Variants in ULK4 observed in about 807,000 individuals in gnomAD.
ULK4 encodes unc-51 like kinase 4.
Under a neutral mutation model 160.6 loss-of-function variants are expected in ULK4, and 133 were observed. The observed-to-expected ratio is 0.83, with a 90% confidence interval of 0.72 to 0.96. ULK4 has a LOEUF of 0.96. Among genes scored for constraint, ULK4 ranks in the 40% least tolerant of loss-of-function variants. ULK4 has a pLI of 0.00. For synonymous variants in ULK4, 534 were observed against 539.8 expected, an observed-to-expected ratio of 0.99 and a Z score of 0.15; for missense variants, 1,580 against 1,499.5, an observed-to-expected ratio of 1.05 and a Z score of -0.89.
chr3:41,735,789 C>T (rs1333496497), intron 22 of ULK4, among the ~76,000 whole-genome samples: 1 of 151,034 alleles, frequency 6.6e-6, no homozygotes, highest in Non-Finnish European at 1.5e-5. Flanking sequence ...TGTTGGTGTG[C>T]TGCACCCATT....
chr3:41,755,220 G>A (rs2125899318), intron 21 of ULK4, among the ~76,000 whole-genome samples: 1 of 152,226 alleles, frequency 6.6e-6, no homozygotes, highest in African/African-American at 2.4e-5. Context: ...AAGTTCCCAA[G>A]AGAGCTTAAG....
intron 17 of ULK4, among the ~76,000 whole-genome samples, chr3:41,847,317 T>C (rs542826397): frequency 1.3e-5 from 2 of 152,362 alleles, no homozygotes; most frequent in East Asian, 3.9e-4. Context: ...TGCAAAGACA[T>C]AATTTGCTTG....
rs117899582 is a variant in ULK4, at chr3:41,482,025, T to C, written c.3227-18772A>G. The stretch of plus-strand genomic sequence containing the variant: ...ACCTAGGGTGGGTGCGTTCCTCCTC[T>C]TACTTTTGGGAATGTCCTACTTCGC... On this transcript the variant is annotated intron_variant, in intron 32 of 36. Transcript: ENST00000301831. Among the ~76,000 whole-genome samples, 44 of 152,244 alleles carry C rather than the reference T, an allele frequency of 2.9e-4. No homozygotes were observed. In the East Asian group the frequency reaches 6.4e-3, roughly 22 times the overall value.
At chr3:41,398,908 T>C (rs1464293230) in intron 34 of ULK4, among the ~76,000 whole-genome samples, 1 of 152,136 alleles carries the variant, frequency 6.6e-6, no homozygotes, top group Non-Finnish European at 1.5e-5. Flanking sequence ...AATTAACATA[T>C]ACTTTACCTC....
intron 30 of ULK4, among the ~76,000 whole-genome samples, chr3:41,624,616 G>A (rs1205044345): frequency 6.6e-6 from 1 of 151,932 alleles, no homozygotes; most frequent in African/African-American, 2.4e-5. Flanking sequence ...TTTGTTCTTT[G>A]ATTTGACTAA....
intron 32 of ULK4, among the ~76,000 whole-genome samples, chr3:41,470,795 C>A (rs1187997833): frequency 4.6e-5 from 7 of 152,036 alleles, no homozygotes; most frequent in African/African-American, 1.7e-4. Flanking sequence ...ATAAGATGTT[C>A]TATGTAAGTC....
Position 41,506,767 on chromosome 3 carries a change from A to AAAAAAAAAAAAAAAAAATAT in ULK4, c.3227-43515_3227-43514insATATTTTTTTTTTTTTTTTT. 1.2e-3 allele frequency among the ~76,000 whole-genome samples: 68 copies of AAAAAAAAAAAAAAAAAATAT among 56,788 alleles called. 6 individuals carry two copies. Among genetic ancestry groups the AAAAAAAAAAAAAAAAAATAT allele is most frequent in the Middle Eastern group, 0.01 (1 of 98 alleles). The allele number at this position is 56,788 out of a possible 152,430, so 37.3% of individuals were successfully genotyped here. A position where few individuals can be genotyped will look rare whatever the true frequency, so the allele number is the denominator to read the frequency against. On this transcript the variant is annotated intron_variant, in intron 32 of 36. Coordinates refer to ENST00000301831, the MANE Select transcript of ULK4 (RefSeq NM_017886.4). ...AGCAATACACTGGAGTGTGATTTAAAATATATATATATATATATATATATA... is the reference window on the plus strand; with the variant it reads ...AGCAATACACTGGAGTGTGATTTAAAAAAAAAAAAAAAAAAAATATATATATATATATATATATATATATA...
chr3:41,618,596 G>A (rs932668341), intron 30 of ULK4, among the ~76,000 whole-genome samples: 1 of 152,098 alleles, frequency 6.6e-6, no homozygotes, highest in African/African-American at 2.4e-5. Flanking sequence ...TCACTACCAG[G>A]CCTGCTTTAC....
At chr3:41,839,469 T>C (rs936045675) in intron 17 of ULK4, among the ~76,000 whole-genome samples, 10 of 149,604 alleles carry the variant, frequency 6.7e-5, no homozygotes, top group Non-Finnish European at 1.3e-4. Context: ...TATTTGCTAA[T>C]TAAATTTTTT....
chr3:41,764,903 T>C (rs967100604), intron 21 of ULK4, among the ~76,000 whole-genome samples: 1 of 152,218 alleles, frequency 6.6e-6, no homozygotes, highest in African/African-American at 2.4e-5. Flanking sequence ...ATGAAAACTA[T>C]TGTGCAGGTG....
chr3:41,267,312 C>T (rs1302445287), intron 35 of ULK4, among the ~76,000 whole-genome samples: 6 of 152,114 alleles, frequency 3.9e-5, no homozygotes, highest in Admixed American at 1.3e-4. Flanking sequence ...TGGCTTCCAG[C>T]TTCATCCATG....
At chr3:41,957,255 A>T (rs1454846223) in intron 1 of ULK4, among the ~76,000 whole-genome samples, 1 of 151,882 alleles carries the variant, frequency 6.6e-6, no homozygotes, top group Non-Finnish European at 1.5e-5. Flanking sequence ...GGAGTTTGAG[A>T]CCAGCCTGAC....
rs34575078 is a variant in ULK4 at position 41,700,079 on chromosome 3, T to C, written c.2781+4978A>G. Among the ~76,000 whole-genome samples, 734 of 152,314 alleles carry C rather than the reference T, an allele frequency of 4.8e-3. 22 individuals are homozygous for C. Among genetic ancestry groups the C allele is most frequent in the East Asian group, 0.035 (180 of 5,182 alleles). ...GAATTCATTGCTGTGACAATGACCA[T>C]GACAAACAGGTTCCTAGTTATAGTG... On this transcript the variant is annotated intron_variant, in intron 27 of 36. Transcript: ENST00000301831.
chr3:41,497,198 T>C (rs1020123399), intron 32 of ULK4, among the ~76,000 whole-genome samples: 3 of 152,046 alleles, frequency 2.0e-5, no homozygotes, highest in Non-Finnish European at 4.4e-5. Flanking sequence ...CAAATGGAAA[T>C]TTTGAAATGA....
At chr3:41,650,643 A>T (rs1195016345) in intron 30 of ULK4, among the ~76,000 whole-genome samples, 1 of 152,212 alleles carries the variant, frequency 6.6e-6, no homozygotes, top group Non-Finnish European at 1.5e-5. Flanking sequence ...GGCCTTTGGC[A>T]GGCATAGGAT....
intron 32 of ULK4, among the ~76,000 whole-genome samples, chr3:41,538,552 A>C (rs1388637440): frequency 6.6e-6 from 1 of 152,160 alleles, no homozygotes; most frequent in Non-Finnish European, 1.5e-5. Context: ...TTTAAGGTTT[A>C]CAGTATTACA....
chr3:41,306,183 G>T (rs1443001783), intron 35 of ULK4, among the ~76,000 whole-genome samples: 1 of 83,416 alleles, frequency 1.2e-5, no homozygotes, highest in Admixed American at 1.1e-4. Flanking sequence ...GGAGGGAGGT[G>T]GGGGGGTCAG....
At chr3:41,480,370 C>CT (rs1385889512) in intron 32 of ULK4, among the ~76,000 whole-genome samples, 3 of 151,288 alleles carry the variant, frequency 2.0e-5, no homozygotes, top group Non-Finnish European at 4.4e-5. Flanking sequence ...CTATAGCTTA[C>CT]TTTTTTTTTC....
chr3:41,943,879 T>C (rs893523665), intron 2 of ULK4, among the ~76,000 whole-genome samples: 2 of 152,186 alleles, frequency 1.3e-5, no homozygotes, highest in African/African-American at 4.8e-5. Flanking sequence ...TAATAGACCA[T>C]TTCCATCAGC....
Sources: allele counts gnomAD v4.1 joint callset (sites outside exome capture counted in the v4.1 genomes callset), GRCh38; gene constraint gnomAD v4.1.1; transcripts MANE v1.5; gene names NCBI Gene and HGNC (gene_info 2026-07-23, HGNC 2026-07-21).